Variants in FBXL17 observed in about 807,000 individuals in gnomAD.
The protein encoded by FBXL17 is F-box/LRR-repeat protein 17.
In FBXL17, 22 loss-of-function variants were observed where a neutral mutation model predicts 66.2. That is an observed-to-expected ratio of 0.33 (90% CI 0.24 to 0.47). The LOEUF (loss-of-function observed/expected upper bound fraction) is 0.47, where lower values mean the gene tolerates loss of function less well. Among genes scored for constraint, FBXL17 ranks in the 20% least tolerant of loss-of-function variants. FBXL17 has a pLI of 1.00. For missense variants in FBXL17, 878 were observed against 948.2 expected (o/e 0.93, Z 0.97); for synonymous variants, 474 against 400.5 (o/e 1.18, Z -2.19).
chr5:107,915,357 A>AT (rs1195499568), intron 7 of FBXL17, among the ~76,000 whole-genome samples: 1 of 152,218 alleles, frequency 6.6e-6, no homozygotes, highest in Non-Finnish European at 1.5e-5. Flanking sequence ...AATGCCAACA[A>AT]TAAAAAAAAG....
rs981486969 is a variant in FBXL17 at position 107,988,186 on chromosome 5, G to A, written c.1822+32739C>T. The stretch of plus-strand genomic sequence containing the variant: ...GAAGTCCTCTTCAAATATATCCTGC[G>A]TATAATACAGTTACAATATCCTGAG... On this transcript the variant is annotated intron_variant, in intron 7 of 8. Coordinates refer to ENST00000542267, the MANE Select transcript of FBXL17 (RefSeq NM_001163315.3). 2.6e-5 allele frequency among the ~76,000 whole-genome samples: 4 copies of A among 151,986 alleles called. 1 individual carries two copies. The South Asian group carries it at 6.2e-4, about 24-fold the overall frequency.
chr5:108,068,962 T>C lies in FBXL17; in HGVS notation c.1746-47961A>G, dbSNP rs567631869. On this transcript the variant is annotated intron_variant, in intron 6 of 8. Coordinates refer to ENST00000542267, the MANE Select transcript of FBXL17 (RefSeq NM_001163315.3). ...GATTAGAATACTCCTGGCCTTGGAA[T>C]TGATGTAAGAAAACATTTAGAGAAC... Among the ~76,000 whole-genome samples the C allele has an allele frequency of 2.6e-4, 40 of 152,302 alleles. No individual in the cohort carries two copies. The South Asian group carries it at 4.8e-3, about 18-fold the overall frequency.
intron 6 of FBXL17, among the ~76,000 whole-genome samples, chr5:108,103,252 A>T (rs546487760): frequency 1.3e-5 from 2 of 152,366 alleles, no homozygotes; most frequent in South Asian, 4.1e-4. Context: ...ATTATGCAAA[A>T]GGTAACCTGT....
chr5:108,146,568 C>T lies in FBXL17; in HGVS notation c.1745+39549G>A, dbSNP rs189290860. On this transcript the variant is annotated intron_variant, in intron 6 of 8. Coordinates refer to ENST00000542267, the MANE Select transcript of FBXL17 (RefSeq NM_001163315.3). ...CAAATCTTTCTTTGAGTTTTATAAACCCTACCCAGTCTTTTGAGTTATAAC... is the reference window on the plus strand; with the variant it reads ...CAAATCTTTCTTTGAGTTTTATAAATCCTACCCAGTCTTTTGAGTTATAAC... Among the ~76,000 whole-genome samples the T allele has an allele frequency of 4.8e-4, 73 of 152,266 alleles. 1 individual carries two copies. The South Asian group carries it at 0.013, about 27-fold the overall frequency.
chr5:108,071,529 C>A (rs1439607445), intron 6 of FBXL17, among the ~76,000 whole-genome samples: 1 of 152,136 alleles, frequency 6.6e-6, no homozygotes, highest in African/African-American at 2.4e-5. Context: ...CAACTTAATT[C>A]CATGTCAATT....
At chr5:108,295,703 T>C (rs896205197) in intron 4 of FBXL17, among the ~76,000 whole-genome samples, 1 of 151,954 alleles carries the variant, frequency 6.6e-6, no homozygotes, top group African/African-American at 2.4e-5. Flanking sequence ...ACAATCCAAT[T>C]GCTAATAGAG....
intron 7 of FBXL17, among the ~76,000 whole-genome samples, chr5:107,908,739 A>G (rs1749847338): frequency 6.6e-6 from 1 of 152,144 alleles, no homozygotes; most frequent in African/African-American, 2.4e-5. Context: ...GGTAGAATGG[A>G]GTTCAATGAG....
chr5:107,942,778 A>G (rs200845245), intron 7 of FBXL17, among the ~76,000 whole-genome samples: 1 of 2,892 alleles, frequency 3.5e-4, no homozygotes, highest in East Asian at 2.2e-3. Context: ...TCTTGAAAAG[A>G]AAAAAAAAAA....
chr5:108,328,820 G>A (rs999575121), intron 4 of FBXL17, among the ~76,000 whole-genome samples: 9 of 151,940 alleles, frequency 5.9e-5, no homozygotes, highest in Non-Finnish European at 1.3e-4. Flanking sequence ...TTTATCAAGA[G>A]TTTTGACAGG....
At chr5:108,291,922 A>G (rs995751110) in intron 4 of FBXL17, among the ~76,000 whole-genome samples, 3 of 151,928 alleles carry the variant, frequency 2.0e-5, no homozygotes, top group Non-Finnish European at 2.9e-5. Flanking sequence ...TCTCACTATC[A>G]CTGCCCTCAG....
chr5:108,147,730 T>A (rs1751613470), intron 6 of FBXL17, among the ~76,000 whole-genome samples: 1 of 152,036 alleles, frequency 6.6e-6, no homozygotes. Context: ...TAAATAAAAA[T>A]TAAACATCTC....
intron 5 of FBXL17, among the ~76,000 whole-genome samples, chr5:108,200,816 T>C (rs1397180192): frequency 2.0e-5 from 3 of 152,094 alleles, no homozygotes; most frequent in Non-Finnish European, 4.4e-5. Context: ...TCAACAGCTT[T>C]TGTGTAAATG....
intron 4 of FBXL17, among the ~76,000 whole-genome samples, chr5:108,227,788 T>C (rs1755160927): frequency 6.6e-6 from 1 of 152,200 alleles, no homozygotes; most frequent in Admixed American, 6.6e-5. Flanking sequence ...AAATTTAAAA[T>C]AGGCTTTCCT....
intron 6 of FBXL17, among the ~76,000 whole-genome samples, chr5:108,102,851 A>T (rs1178920876): frequency 6.6e-6 from 1 of 152,216 alleles, no homozygotes; most frequent in Non-Finnish European, 1.5e-5. Flanking sequence ...ATATCTTATA[A>T]GATAGAGAAA....
chr5:108,295,898 T>C (rs1165349988), intron 4 of FBXL17, among the ~76,000 whole-genome samples: 2 of 145,020 alleles, frequency 1.4e-5, no homozygotes, highest in African/African-American at 5.1e-5. Context: ...TAGCACACAG[T>C]AGATAGCCAT....
At chr5:108,118,236 G>A (rs1750340858) in intron 6 of FBXL17, among the ~76,000 whole-genome samples, 1 of 152,134 alleles carries the variant, frequency 6.6e-6, no homozygotes, top group African/African-American at 2.4e-5. Context: ...CTCCAGTCCT[G>A]ACTTCCATCT....
At chr5:108,341,166 A>C (rs73781329) in intron 4 of FBXL17, among the ~76,000 whole-genome samples, 2,736 of 152,230 alleles carry the variant, frequency 0.018, 84 homozygotes, top group African/African-American at 0.062. Context: ...ACTAACAATG[A>C]AAAAGAATGA....
intron 7 of FBXL17, among the ~76,000 whole-genome samples, chr5:107,906,731 A>C (rs1749771929): frequency 6.6e-6 from 1 of 152,202 alleles, no homozygotes; most frequent in Admixed American, 6.5e-5. Context: ...AGGGCTAATA[A>C]CTGCAAATTG....
intron 4 of FBXL17, among the ~76,000 whole-genome samples, chr5:108,303,600 T>C (rs1758701387): frequency 6.6e-6 from 1 of 152,062 alleles, no homozygotes; most frequent in Admixed American, 6.6e-5. Context: ...TAGAGGCTTC[T>C]CCCATTTAAA....
Sources: allele counts gnomAD v4.1 joint callset (sites outside exome capture counted in the v4.1 genomes callset), GRCh38; gene constraint gnomAD v4.1.1; transcripts MANE v1.5; gene names NCBI Gene and HGNC (gene_info 2026-07-23, HGNC 2026-07-21).